The following FRMPD4 variants were observed in gnomAD, a reference collection of about 807,000 sequenced individuals.
FRMPD4 encodes FERM and PDZ domain containing 4, also known as FERM and PDZ domain-containing protein 4.
FRMPD4 carries 22 observed loss-of-function variants against 94.1 expected under a neutral mutation model. That is an observed-to-expected ratio of 0.23 (90% CI 0.17 to 0.33). FRMPD4 has a LOEUF of 0.33. Among genes scored for constraint, FRMPD4 ranks in the 10% least tolerant of loss-of-function variants. FRMPD4 has a pLI of 1.00. For missense variants in FRMPD4, 1,111 were observed against 1,339.9 expected, an observed-to-expected ratio of 0.83 and a Z score of 2.67; for synonymous variants, 631 against 548.6, an observed-to-expected ratio of 1.15 and a Z score of -2.10.
intron 3 of FRMPD4, among the ~76,000 whole-genome samples, chrX:11,975,467 A>G (rs2054362056): frequency 8.9e-6 from 1 of 112,454 alleles, no homozygotes; most frequent in South Asian, 3.7e-4. Context: ...CACCAAACAC[A>G]TAGGAGGAGT....
intron 1 of FRMPD4, among the ~76,000 whole-genome samples, chrX:12,447,194 G>C (rs1255098611): frequency 9.0e-6 from 1 of 111,725 alleles, no homozygotes; most frequent in Non-Finnish European, 1.9e-5. Flanking sequence ...GGATGACCAA[G>C]GCAGAATTTC....
At position 11,837,446 on chromosome X, in the gene FRMPD4, A is replaced by G. The variant is rs558086451; in HGVS notation, c.-161+14731A>G. Among the ~76,000 whole-genome samples the G allele has an allele frequency of 8.1e-5, 9 of 111,797 alleles. No homozygotes were observed. In the South Asian group the frequency reaches 2.9e-3, roughly 36 times the overall value. ...ATTTCTTCTACCTTTGATCCAAAAA[A>G]GCTTAGGTTCCTAAGGATGTGGTAA... On this transcript the variant is annotated intron_variant, in intron 1 of 18. Transcript: ENST00000640291.
chrX:12,420,752 C>T (rs936320214), intron 1 of FRMPD4, among the ~76,000 whole-genome samples: 6 of 112,311 alleles, frequency 5.3e-5, no homozygotes, highest in East Asian at 2.8e-4. Context: ...TCTGTGATGG[C>T]GTTTGTCAAT....
chrX:12,387,312 C>T (rs764248372), intron 1 of FRMPD4, among the ~76,000 whole-genome samples: 3 of 112,349 alleles, frequency 2.7e-5, no homozygotes, highest in Non-Finnish European at 5.6e-5. Flanking sequence ...CCATTTCACG[C>T]AGACCTGGTA....
intron 1 of FRMPD4, among the ~76,000 whole-genome samples, chrX:12,182,246 G>A (rs772837313): frequency 8.9e-6 from 1 of 111,890 alleles, no homozygotes; most frequent in Admixed American, 9.5e-5. Flanking sequence ...GTGACTAAAG[G>A]TAAGAAAAAG....
rs748227916 is a variant in FRMPD4, at chrX:12,718,726, C to T, written c.3900C>T (p.Thr1300=). 9.9e-6 allele frequency: 12 copies of T among 1,209,776 alleles called. No individual in the cohort carries two copies. Among genetic ancestry groups the T allele is most frequent in the Admixed American group, 2.2e-5 (1 of 46,079 alleles). Reference sequence around the variant, plus strand: ...CTGCTCTGCACACAGCCATTAACACCGAACCCCTGTTTGGCACATTGAGAG... The same window carrying T: ...CTGCTCTGCACACAGCCATTAACACTGAACCCCTGTTTGGCACATTGAGAG... ...TVPALHTAIN[T]EPLFGTLRDG... Residue 1300 remains threonine, a synonymous_variant, in exon 16 of 17, where the codon ACC becomes ACT. Transcript: ENST00000675598.
chrX:12,474,767 G>C (rs2057570885), intron 1 of FRMPD4, among the ~76,000 whole-genome samples: 1 of 111,542 alleles, frequency 9.0e-6, no homozygotes, highest in South Asian at 3.8e-4. Context: ...CCAGGAAGAA[G>C]TTGAATCTCT....
Position 12,083,708 on chromosome X carries a change from A to G in FRMPD4, c.95+205690A>G, listed in dbSNP as rs1382542462. ...GCCACAGGGGCGGCTGCCCAAGACCATGGGAACCCACCTCTTGCATCTGAA... is the reference window on the plus strand; with the variant it reads ...GCCACAGGGGCGGCTGCCCAAGACCGTGGGAACCCACCTCTTGCATCTGAA... On this transcript the variant is annotated intron_variant, in intron 3 of 18. Coordinates refer to the FRMPD4 transcript ENST00000640291. Among the ~76,000 whole-genome samples the G allele has an allele frequency of 3.5e-5, 4 of 112,773 alleles. No homozygotes were observed. The East Asian group carries it at 1.1e-3, about 32-fold the overall frequency.
At chrX:12,064,818 T>G (rs1163803603) in intron 3 of FRMPD4, among the ~76,000 whole-genome samples, 1 of 112,147 alleles carries the variant, frequency 8.9e-6, no homozygotes, top group Non-Finnish European at 1.9e-5. Flanking sequence ...CCAAAACAAT[T>G]GAAAATGTTC....
At chrX:12,385,608 G>T (rs1024934731) in intron 1 of FRMPD4, among the ~76,000 whole-genome samples, 1 of 112,313 alleles carries the variant, frequency 8.9e-6, no homozygotes, top group Non-Finnish European at 1.9e-5. Context: ...AAGTTTACCC[G>T]TTACACATTG....
chrX:12,043,941 A>G (rs778187981), intron 3 of FRMPD4, among the ~76,000 whole-genome samples: 24 of 111,804 alleles, frequency 2.1e-4, no homozygotes, highest in African/African-American at 7.8e-4. Context: ...TTTTTATGAT[A>G]AAATATAGTT....
At chrX:12,462,673 T>C (rs180961526) in intron 1 of FRMPD4, among the ~76,000 whole-genome samples, 7 of 112,209 alleles carry the variant, frequency 6.2e-5, no homozygotes, top group African/African-American at 2.3e-4. Flanking sequence ...GAGTGAAACA[T>C]TTAAGTATAC....
At chrX:12,393,142 C>T (rs781758544) in intron 1 of FRMPD4, among the ~76,000 whole-genome samples, 87 of 112,044 alleles carry the variant, frequency 7.8e-4, no homozygotes, top group African/African-American at 2.7e-3. Context: ...TTGATTTCTC[C>T]GCTTCTTAAG....
chrX:12,715,973 C>T, intron 14 of FRMPD4, 96 bp from the exon 15 acceptor site: 1 of 472,310 alleles, frequency 2.1e-6, no homozygotes, highest in South Asian at 4.2e-5. Context: ...ATGCTACAAG[C>T]CATTAAGTTA....
intron 1 of FRMPD4, among the ~76,000 whole-genome samples, chrX:12,476,757 A>T (rs1199755176): frequency 8.9e-6 from 1 of 111,786 alleles, no homozygotes; most frequent in Non-Finnish European, 1.9e-5. Flanking sequence ...AATCAAAACC[A>T]CAATGAGATA....
chrX:12,671,046 A>G (rs755034638), intron 4 of FRMPD4, among the ~76,000 whole-genome samples: 14 of 112,587 alleles, frequency 1.2e-4, no homozygotes, highest in African/African-American at 4.5e-4. Flanking sequence ...ATACCATCTC[A>G]TACCAGTTAG....
intron 2 of FRMPD4, among the ~76,000 whole-genome samples, chrX:12,500,700 T>G (rs2057910148): frequency 9.0e-6 from 1 of 111,331 alleles, no homozygotes; most frequent in African/African-American, 3.3e-5. Context: ...CCTCAAAGAT[T>G]AGAAGAAAGG....
intron 1 of FRMPD4, among the ~76,000 whole-genome samples, chrX:12,349,660 A>G (rs2055770965): frequency 8.9e-6 from 1 of 112,058 alleles, no homozygotes; most frequent in South Asian, 3.8e-4. Flanking sequence ...AATGAGTATT[A>G]TGTCCGGTTC....
intron 2 of FRMPD4, among the ~76,000 whole-genome samples, chrX:12,570,232 G>A (rs1402868146): frequency 8.9e-6 from 1 of 111,962 alleles, no homozygotes; most frequent in Non-Finnish European, 1.9e-5. Context: ...CAGTGCCTCA[G>A]GGCAGCATCC....
Sources: allele counts gnomAD v4.1 joint callset (sites outside exome capture counted in the v4.1 genomes callset), GRCh38; gene constraint gnomAD v4.1.1; transcripts MANE v1.5; gene names NCBI Gene and HGNC (gene_info 2026-07-23, HGNC 2026-07-21).